The following SPAG6 variants were observed in gnomAD, a reference collection of about 807,000 sequenced individuals.
SPAG6 encodes the protein sperm associated antigen 6.
In SPAG6, 49 loss-of-function variants were observed where a neutral mutation model predicts 58.5. The ratio of observed to expected loss-of-function variants is 0.84; its 90% CI spans 0.67 to 1.06. SPAG6 has a LOEUF of 1.06. Among genes scored for constraint, SPAG6 ranks in the 50% least tolerant of loss-of-function variants. The pLI, the probability that SPAG6 is intolerant of heterozygous loss-of-function variation, is 0.00. For missense variants in SPAG6, 560 were observed against 611.3 expected (o/e 0.92, Z 0.89); for synonymous variants, 233 against 225.6 (o/e 1.03, Z -0.29).
At chr10:22,367,485 A>G (rs927338417) in intron 3 of SPAG6, among the ~76,000 whole-genome samples, 2 of 152,150 alleles carry the variant, frequency 1.3e-5, no homozygotes, top group African/African-American at 2.4e-5. Flanking sequence ...CATTGTATCA[A>G]TATTATAGTC....
chr10:22,399,646 G>C (rs969669653), intron 8 of SPAG6, among the ~76,000 whole-genome samples: 4 of 152,150 alleles, frequency 2.6e-5, no homozygotes, highest in African/African-American at 9.7e-5. Flanking sequence ...CCACATGAAA[G>C]ATAGTAAAGC....
At chr10:22,404,780 C>G (rs1448585765) in intron 9 of SPAG6, among the ~76,000 whole-genome samples, 4 of 151,068 alleles carry the variant, frequency 2.6e-5, no homozygotes, top group East Asian at 3.9e-4. Context: ...ATGGAATGTT[C>G]TTCCATTTGT....
intron 3 of SPAG6, among the ~76,000 whole-genome samples, chr10:22,367,014 T>C (rs1321464295): frequency 3.3e-5 from 5 of 151,892 alleles, no homozygotes; most frequent in Admixed American, 3.3e-4. Context: ...GCTGGGTTTT[T>C]TTTTTTTGGC....
chr10:22,352,985 C>T (rs11012962), intron 2 of SPAG6, among the ~76,000 whole-genome samples: 22,310 of 152,210 alleles, frequency 0.15, 4,830 homozygotes, highest in African/African-American at 0.48. Context: ...CAGCTATCTT[C>T]AACCTACATT....
chr10:22,358,254 T>C (rs1384352374), intron 2 of SPAG6, among the ~76,000 whole-genome samples: 185 of 152,054 alleles, frequency 1.2e-3, no homozygotes, highest in African/African-American at 3.9e-3. Flanking sequence ...CTGTTGTTTC[T>C]TGACTTTTTA....
intron 9 of SPAG6, among the ~76,000 whole-genome samples, chr10:22,409,126 C>T (rs1459760081): frequency 1.3e-5 from 2 of 152,188 alleles, no homozygotes; most frequent in Non-Finnish European, 2.9e-5. Context: ...GGAGCTGTTC[C>T]TATTCGGCCA....
At chr10:22,397,677 T>A (rs1382903475) in intron 8 of SPAG6, among the ~76,000 whole-genome samples, 1 of 152,172 alleles carries the variant, frequency 6.6e-6, no homozygotes, top group Non-Finnish European at 1.5e-5. Flanking sequence ...AAGAAAATAA[T>A]GTTATTCATA....
intron 8 of SPAG6, 38 bp downstream of exon 8, chr10:22,391,958 A>G: frequency 7.3e-7 from 1 of 1,378,908 alleles, no homozygotes; most frequent in Non-Finnish European, 1.0e-6. Flanking sequence ...ATTTTGGCTC[A>G]TTTAAAAAAT....
chr10:22,378,721 T>C (rs1833881450), intron 4 of SPAG6, among the ~76,000 whole-genome samples: 1 of 152,180 alleles, frequency 6.6e-6, no homozygotes, highest in South Asian at 2.1e-4. Context: ...CAGCCTATTG[T>C]TGTTCAAGGC....
At chr10:22,398,108 T>G (rs899977090) in intron 8 of SPAG6, among the ~76,000 whole-genome samples, 33 of 152,238 alleles carry the variant, frequency 2.2e-4, no homozygotes, top group African/African-American at 8.0e-4. Flanking sequence ...CTTTTTATCA[T>G]CAATTGATTT....
At chr10:22,411,386 A>G (rs1834731862) in intron 10 of SPAG6, 1 of 434,530 alleles carries the variant, frequency 2.3e-6, no homozygotes, top group Admixed American at 4.1e-5. Flanking sequence ...CTGGAATGTC[A>G]TTTAAGACAT....
rs1442508800 is a variant in SPAG6 at position 22,414,413 on chromosome 10, T to G, written c.1461-2206T>G. ...AGTACGCTAAGAGCTCAGGCTTAGG[T>G]GTCAAACAGACCTTAATTCCTCTCT... On this transcript the variant is annotated intron_variant, in intron 10 of 10. Coordinates refer to ENST00000376624, the MANE Select transcript of SPAG6 (RefSeq NM_012443.4). Among the ~76,000 whole-genome samples the G allele has an allele frequency of 3.9e-5, 6 of 152,278 alleles. No homozygotes were observed. In the East Asian group the frequency reaches 9.7e-4, roughly 24 times the overall value.
intron 9 of SPAG6, among the ~76,000 whole-genome samples, chr10:22,401,639 C>T (rs566268235): frequency 2.2e-4 from 34 of 152,324 alleles, no homozygotes; most frequent in Non-Finnish European, 4.0e-4. Flanking sequence ...AAAAAGGTTT[C>T]TGAGCCACCG....
At chr10:22,398,098 C>CT (rs1391387083) in intron 8 of SPAG6, among the ~76,000 whole-genome samples, 1 of 152,158 alleles carries the variant, frequency 6.6e-6, no homozygotes, top group Non-Finnish European at 1.5e-5. Context: ...GAAATAAACC[C>CT]TTTTTATCAT....
chr10:22,351,889 G>A lies in SPAG6; in HGVS notation c.121+6071G>A, dbSNP rs116020785. ...TTTAGTTTCTGTTAAAAGTCTTGCT[G>A]TGGCTGGGTGTGGGGTCTCACGCTT... On this transcript the variant is annotated intron_variant, in intron 2 of 10. Coordinates refer to ENST00000376624, the MANE Select transcript of SPAG6 (RefSeq NM_012443.4). 8.0e-3 allele frequency among the ~76,000 whole-genome samples: 1,212 copies of A among 152,234 alleles called. 15 individuals carry two copies. Among genetic ancestry groups the A allele is most frequent in the African/African-American group, 0.027 (1,124 of 41,540 alleles).
chr10:22,393,188 T>C (rs1466808134), intron 8 of SPAG6, among the ~76,000 whole-genome samples: 2 of 152,152 alleles, frequency 1.3e-5, no homozygotes, highest in African/African-American at 4.8e-5. Context: ...ATATCTGTAG[T>C]CCTCTTTTGG....
In SPAG6 at chr10:22,387,841, C is replaced by T; in HGVS notation, c.697C>T (p.Leu233Phe). 1 of 1,610,946 alleles carries T rather than the reference C, an allele frequency of 6.2e-7. No individual in the cohort carries two copies. The highest frequency in any genetic ancestry group is 1.1e-5 in the South Asian group (1 of 90,430). The change falls in exon 6 of 11, where the codon CTC becomes TTC. Residue 233 changes from leucine to phenylalanine, a missense_variant. Transcript: ENST00000376624. ...TTCACAGCATCAGATCCTTTCAGCT[C>T]TCAGTCAGGTTTCAAAACATTCCGT... ...AKLKHQILSA[L>F]SQVSKHSVDL... is the part of the protein sequence containing the mutation.
chr10:22,391,792 G>C lies in SPAG6; in HGVS notation c.1069G>C (p.Ala357Pro), dbSNP rs1249919833. 6.2e-7 allele frequency: 1 copy of C among 1,613,498 alleles called. No homozygotes were observed. The highest frequency in any genetic ancestry group is 8.5e-7 in the Non-Finnish European group (1 of 1,179,762). ...GGAAGATCATATTAAGGCTGCAGCT[G>C]CTTGGGCCTTAGGACAGATTGGAAG... is the stretch of plus-strand genomic sequence containing the variant. ...EPEDHIKAAAAWALGQIGRHT... is the reference protein window; with the variant it reads ...EPEDHIKAAAPWALGQIGRHT... Residue 357 changes from alanine (A) to proline (P), a missense_variant, in exon 8 of 11, where the codon GCT becomes CCT. Transcript: ENST00000376624.
chr10:22,362,990 A>G (rs1837086337), intron 2 of SPAG6, among the ~76,000 whole-genome samples: 1 of 152,152 alleles, frequency 6.6e-6, no homozygotes, highest in African/African-American at 2.4e-5. Context: ...GAAAATTACA[A>G]GTGCTGGTTA....
Sources: gnomAD v4.1 joint callset for allele counts (sites outside exome capture counted in the v4.1 genomes callset) on GRCh38, gnomAD v4.1.1 for gene constraint, MANE v1.5 for transcripts, NCBI Gene and HGNC (gene_info 2026-07-23, HGNC 2026-07-21) for gene names.